OTOP1: variants seen among roughly 807,000 people sequenced by gnomAD.
OTOP1 encodes otopetrin 1.
Under a neutral mutation model 52.9 loss-of-function variants are expected in OTOP1, and 59 were observed. The ratio of observed to expected loss-of-function variants is 1.12; its 90% CI spans 0.91 to 1.39. OTOP1 has a LOEUF of 1.39. OTOP1 is among the 40% of genes most tolerant of loss of function. OTOP1 has a pLI of 0.00. For missense variants in OTOP1, 761 were observed against 800.9 expected (o/e 0.95, Z 0.60); for synonymous variants, 317 against 337.7 (o/e 0.94, Z 0.67).
chr4:4,225,677 C>A (rs1359531986), intron 1 of OTOP1, among the ~76,000 whole-genome samples: 3 of 151,994 alleles, frequency 2.0e-5, no homozygotes, highest in Non-Finnish European at 4.4e-5. Context: ...CTCTTTGCCC[C>A]ACCCTGCATC....
chr4:4,188,809 C>A lies in OTOP1; in HGVS notation c.1833G>T (p.Lys611Asn), dbSNP rs188805040. 1 of 1,612,302 alleles carries A rather than the reference C, an allele frequency of 6.2e-7. No individual in the cohort carries two copies. The highest frequency in any genetic ancestry group is 8.5e-7 in the Non-Finnish European group (1 of 1,179,054). Residue 611 changes from lysine to asparagine, a missense_variant, in exon 6 of 6, where the codon AAG becomes AAT. Around this residue, in one of 3 missense-constraint regions of OTOP1, gnomAD observed 632 missense variants for 619.5 expected, o/e 1.02. Transcript: ENST00000296358. ...GGTCTCTTGTGGACCCAGACTATAT[C>A]TTACAATAGACCTCAAAGAGGGAGG... is the stretch of plus-strand genomic sequence containing the variant. ...AAASLFEVYC[K>N]I
intron 1 of OTOP1, among the ~76,000 whole-genome samples, chr4:4,218,069 G>A (rs114870727): frequency 0.015 from 2,214 of 152,232 alleles, 24 homozygotes; most frequent in Non-Finnish European, 0.024. Flanking sequence ...GACATTTTGA[G>A]GCGAAATTCT....
rs779223743 is a variant in OTOP1 at position 4,197,896 on chromosome 4, A to C, written c.938T>G (p.Val313Gly). The C allele has an allele frequency of 6.2e-7, 1 of 1,614,100 alleles. No homozygotes were observed. The highest frequency in any genetic ancestry group is 8.5e-7 in the Non-Finnish European group (1 of 1,180,016). ...KMQFKSDGVM[V>G]GAVLGLTVLA... ...CACGGTCAGGCCCAGGACTGCGCCCACCATGACCCCATCAGACTTGAACTG... is the reference window on the plus strand; with the variant it reads ...CACGGTCAGGCCCAGGACTGCGCCCCCCATGACCCCATCAGACTTGAACTG... Residue 313 changes from valine (V) to glycine (G), a missense_variant, in exon 5 of 6, where the codon GTG (valine) becomes GGG (glycine). Transcript: ENST00000296358.
intron 3 of OTOP1, among the ~76,000 whole-genome samples, chr4:4,204,605 T>G (rs978242254): frequency 6.6e-6 from 1 of 152,166 alleles, no homozygotes; most frequent in African/African-American, 2.4e-5. Flanking sequence ...AGACGTCATT[T>G]TCTCATGCCA....
At chr4:4,217,364 C>T (rs1717176247) in intron 1 of OTOP1, among the ~76,000 whole-genome samples, 1 of 152,112 alleles carries the variant, frequency 6.6e-6, no homozygotes, top group South Asian at 2.1e-4. Context: ...TTCTGTGCGG[C>T]CTGGGAAACC....
chr4:4,202,696 A>G (rs1716816427), intron 3 of OTOP1, 118 bp from the exon 4 acceptor site: 2 of 1,357,770 alleles, frequency 1.5e-6, no homozygotes, highest in Non-Finnish European at 2.0e-6. Context: ...TTCTGGTTTC[A>G]CCTGGCAGTT....
intron 1 of OTOP1, among the ~76,000 whole-genome samples, chr4:4,225,478 A>G (rs1448462878): frequency 6.8e-6 from 1 of 148,000 alleles, no homozygotes. Context: ...CTGAAGTGGG[A>G]GGATTGCTTG....
In OTOP1 at chr4:4,226,614, G is replaced by A; in HGVS notation, c.251C>T (p.Ala84Val). The change falls in exon 1 of 6, where the codon GCC becomes GTC. Residue 84 changes from alanine to valine, a missense_variant. Transcript: ENST00000296358. The stretch of plus-strand genomic sequence containing the variant: ...CAGGTCGCTCTTGCTCACGCCCGCG[G>A]CGTGCACGGCCCAGGCCAGCAGCAG... ...LLLLLAWAVH[A>V]AGVSKSDLLC... is the part of the protein sequence containing the mutation. The A allele has an allele frequency of 3.8e-6, 6 of 1,598,484 alleles. No individual in the cohort carries two copies. The highest frequency in any genetic ancestry group is 5.1e-6 in the Non-Finnish European group (6 of 1,176,444).
At chr4:4,218,975 G>T (rs536861928) in intron 1 of OTOP1, among the ~76,000 whole-genome samples, 3 of 149,296 alleles carry the variant, frequency 2.0e-5, no homozygotes, top group African/African-American at 7.4e-5. Context: ...GAGAGTGAGG[G>T]AAGAAAAAAA....
chr4:4,202,845 G>A (rs1156825198), intron 3 of OTOP1, among the ~76,000 whole-genome samples: 2 of 152,222 alleles, frequency 1.3e-5, no homozygotes, highest in Non-Finnish European at 2.9e-5. Flanking sequence ...CAAAGAAGCT[G>A]GGTCTTGGAA....
chr4:4,207,240 T>C (rs1376636782), intron 2 of OTOP1, among the ~76,000 whole-genome samples: 1 of 152,204 alleles, frequency 6.6e-6, no homozygotes, highest in African/African-American at 2.4e-5. Context: ...TTCAGCCCAA[T>C]AATAGGGAAA....
At chr4:4,193,783 G>A (rs747226923) in intron 5 of OTOP1, among the ~76,000 whole-genome samples, 10 of 152,236 alleles carry the variant, frequency 6.6e-5, no homozygotes, top group African/African-American at 1.2e-4. Context: ...CTGGTATTTC[G>A]GACAGTGCTA....
At chr4:4,220,665 G>GATA (rs1717279790) in intron 1 of OTOP1, among the ~76,000 whole-genome samples, 2 of 152,206 alleles carry the variant, frequency 1.3e-5, no homozygotes, top group African/African-American at 2.4e-5. Context: ...TAAGAGGGAT[G>GATA]TTATTATCAT....
chr4:4,205,756 TA>T (rs1015008079), intron 3 of OTOP1, among the ~76,000 whole-genome samples: 7 of 152,122 alleles, frequency 4.6e-5, no homozygotes, highest in Non-Finnish European at 8.8e-5. Context: ...TTATGACGGT[TA>T]AAAAAAGAAA....
intron 4 of OTOP1, among the ~76,000 whole-genome samples, chr4:4,200,222 G>A (rs62286878): frequency 0.012 from 1,766 of 152,204 alleles, 19 homozygotes; most frequent in South Asian, 0.024. Flanking sequence ...GCAGCTGGGC[G>A]TGGTGGCTCA....
chr4:4,193,806 T>C (rs1289013071), intron 5 of OTOP1, among the ~76,000 whole-genome samples: 1 of 152,156 alleles, frequency 6.6e-6, no homozygotes, highest in African/African-American at 2.4e-5. Flanking sequence ...TTTCTTCAAG[T>C]GGGTCCAAAA....
At chr4:4,200,349 CCT>C (rs1716754272) in intron 4 of OTOP1, among the ~76,000 whole-genome samples, 2 of 151,862 alleles carry the variant, frequency 1.3e-5, no homozygotes, top group Non-Finnish European at 2.9e-5. Context: ...GTGGCAGGTG[CCT>C]GTAGTCCCAG....
chr4:4,204,804 C>T (rs1180869802), intron 3 of OTOP1, among the ~76,000 whole-genome samples: 1 of 151,982 alleles, frequency 6.6e-6, no homozygotes, highest in East Asian at 1.9e-4. Context: ...TGGAATCTCG[C>T]TCTGTTGCCC....
chr4:4,203,603 G>A (rs567331436), intron 3 of OTOP1, among the ~76,000 whole-genome samples: 2 of 152,300 alleles, frequency 1.3e-5, no homozygotes, highest in African/African-American at 2.4e-5. Flanking sequence ...TGGGGAATGC[G>A]GTCCCCATAG....
Sources: gnomAD v4.1 joint callset for allele counts (sites outside exome capture counted in the v4.1 genomes callset) on GRCh38, gnomAD v4.1.1 for gene constraint, gnomAD v4.1.1 regional missense constraint, MANE v1.5 for transcripts, NCBI Gene and HGNC (gene_info 2026-07-23, HGNC 2026-07-21) for gene names.